The following MARCHF7 variants were observed in gnomAD, a reference collection of about 807,000 sequenced individuals.
MARCHF7 encodes the protein E3 ubiquitin-protein ligase MARCHF7.
MARCHF7 carries 20 observed loss-of-function variants against 76.5 expected under a neutral mutation model. That is an observed-to-expected ratio of 0.26 (90% CI 0.18 to 0.38). The LOEUF is 0.38. Ranked by LOEUF, MARCHF7 falls within the 10% of genes least tolerant of loss-of-function variation. The pLI, the probability that MARCHF7 is intolerant of heterozygous loss-of-function variation, is 1.00. For missense variants in MARCHF7, 797 were observed against 812.9 expected (o/e 0.98, Z 0.24); for synonymous variants, 295 against 293.0 (o/e 1.01, Z -0.07).
At chr2:159,761,673 A>G (rs557993160) in intron 9 of MARCHF7, among the ~76,000 whole-genome samples, 12 of 152,010 alleles carry the variant, frequency 7.9e-5, no homozygotes, top group East Asian at 7.7e-4. Context: ...CAGCCTCCCA[A>G]AATGCTGGGA....
intron 8 of MARCHF7, among the ~76,000 whole-genome samples, chr2:159,754,211 C>T (rs889209845): frequency 2.0e-5 from 3 of 152,046 alleles, no homozygotes; most frequent in Non-Finnish European, 2.9e-5. Flanking sequence ...GGACAGAGCC[C>T]TGGGATACCC....
Position 159,745,911 on chromosome 2 carries a change from G to C in MARCHF7, c.488G>C (p.Arg163Pro), listed in dbSNP as rs753934115. The stretch of plus-strand genomic sequence containing the variant: ...AGTAATCTTATGGATTATAGTCACC[G>C]AAGTGGTGATTTCACAACTTCATCA... Reference protein sequence around the residue: ...SISNLMDYSHRSGDFTTSSYV... With the variant: ...SISNLMDYSHPSGDFTTSSYV... Residue 163 changes from arginine to proline, a missense_variant, in exon 6 of 12, where the codon CGA becomes CCA. Arg to Pro is a moderately radical substitution (Grantham distance 103). Coordinates refer to ENST00000409175, the MANE Select transcript of MARCHF7 (RefSeq NM_001282805.2). 2.4e-5 allele frequency: 39 copies of C among 1,609,912 alleles called. No homozygotes were observed. In the Middle Eastern group the frequency reaches 5.0e-4, roughly 20 times the overall value.
chr2:159,731,385 T>C (rs1419834553), intron 4 of MARCHF7, among the ~76,000 whole-genome samples: 1 of 152,202 alleles, frequency 6.6e-6, no homozygotes, highest in African/African-American at 2.4e-5. Flanking sequence ...TTAGTAAATT[T>C]ATTGACATTC....
Position 159,716,835 on chromosome 2 carries a change from G to C in MARCHF7, c.-15+1069G>C, listed in dbSNP as rs893909938. ...CAGAGACTGCAGGCATAAGATAATG[G>C]TATGGTAACAGTAGAAAATAAGGAT... On this transcript the variant is annotated intron_variant, in intron 3 of 11. Coordinates refer to ENST00000409175, the MANE Select transcript of MARCHF7 (RefSeq NM_001282805.2). 9.2e-5 allele frequency among the ~76,000 whole-genome samples: 14 copies of C among 152,156 alleles called. 1 individual carries two copies. Among genetic ancestry groups the C allele is most frequent in the Admixed American group, 7.9e-4 (12 of 15,280 alleles).
Position 159,729,082 on chromosome 2 carries a change from A to G in MARCHF7, c.60A>G (p.Leu20=). The G allele has an allele frequency of 6.2e-7, 1 of 1,611,322 alleles. No homozygotes were observed. Among genetic ancestry groups the G allele is most frequent in the East Asian group, 2.2e-5 (1 of 44,774 alleles). ...TTTCTGTTCAACCTTCCAGCTCCTT[A>G]AGTGCTAGGATGATGTCTGGAAGCA... is the stretch of plus-strand genomic sequence containing the variant. The part of the protein sequence containing the change: ...RRISVQPSSS[L]SARMMSGSRG... The change falls in exon 4 of 12, where the codon TTA becomes TTG. Residue 20 remains leucine (L), a synonymous_variant. Transcript: ENST00000409175.
chr2:159,727,935 G>A (rs1702361833), intron 3 of MARCHF7, among the ~76,000 whole-genome samples: 1 of 152,216 alleles, frequency 6.6e-6, no homozygotes, highest in African/African-American at 2.4e-5. Context: ...AATCTATAAA[G>A]TGGAAAGCAC....
intron 3 of MARCHF7, among the ~76,000 whole-genome samples, chr2:159,727,282 C>T (rs963464942): frequency 2.6e-5 from 4 of 152,102 alleles, no homozygotes; most frequent in African/African-American, 9.7e-5. Context: ...ATCCTTGCCT[C>T]AGAATATTTT....
intron 3 of MARCHF7, among the ~76,000 whole-genome samples, chr2:159,726,204 C>T (rs986131346): frequency 2.6e-5 from 4 of 151,762 alleles, no homozygotes; most frequent in African/African-American, 7.3e-5. Flanking sequence ...AGCTCTACTA[C>T]TGCTCCAGAT....
At chr2:159,715,370 T>C (rs143659941) in intron 2 of MARCHF7, among the ~76,000 whole-genome samples, 332 of 151,448 alleles carry the variant, frequency 2.2e-3, no homozygotes, top group African/African-American at 7.3e-3. Context: ...GGGGGGGTAA[T>C]AATTTTGTGT....
intron 3 of MARCHF7, among the ~76,000 whole-genome samples, chr2:159,717,849 TG>T (rs1379705450): frequency 1.3e-5 from 2 of 152,234 alleles, no homozygotes; most frequent in Non-Finnish European, 2.9e-5. Flanking sequence ...TCTTTCCAGT[TG>T]TTTAATGCAT....
At chr2:159,731,490 C>T (rs922748127) in intron 4 of MARCHF7, among the ~76,000 whole-genome samples, 2 of 152,154 alleles carry the variant, frequency 1.3e-5, no homozygotes, top group African/African-American at 2.4e-5. Context: ...CATGGTGGCT[C>T]ACGCCTGTAG....
intron 4 of MARCHF7, among the ~76,000 whole-genome samples, chr2:159,734,316 T>C (rs1193964430): frequency 1.5e-4 from 21 of 136,214 alleles, no homozygotes; most frequent in African/African-American, 5.5e-4. Context: ...TTTAAAGTTA[T>C]TGATACCTTT....
At chr2:159,737,075 A>G (rs1703544042) in intron 4 of MARCHF7, among the ~76,000 whole-genome samples, 2 of 152,252 alleles carry the variant, frequency 1.3e-5, no homozygotes, top group Non-Finnish European at 2.9e-5. Context: ...TTAATGAAAA[A>G]GAAAGAAACC....
intron 7 of MARCHF7, 41 bp downstream of exon 7, chr2:159,748,944 A>G (rs1340341062): frequency 6.8e-7 from 1 of 1,472,728 alleles, no homozygotes; most frequent in East Asian, 2.4e-5. Context: ...AATCAAAAAT[A>G]GAGAAAGAAC....
intron 7 of MARCHF7, among the ~76,000 whole-genome samples, chr2:159,751,197 T>C (rs900375818): frequency 1.4e-4 from 21 of 152,196 alleles, no homozygotes; most frequent in African/African-American, 4.3e-4. Context: ...AGTACAGTAG[T>C]GTAGGCAGAG....
At chr2:159,764,255 T>TGTGCGCGCGCGCGCGCGC (rs10592175) in intron 10 of MARCHF7, among the ~76,000 whole-genome samples, 1 of 131,370 alleles carries the variant, frequency 7.6e-6, no homozygotes, top group South Asian at 2.4e-4. Context: ...TGTGTGTGTG[T>TGTGCGCGCGCGCGCGCGC]GCGCGCGCCC....
At chr2:159,735,190 G>C (rs1703306210) in intron 4 of MARCHF7, among the ~76,000 whole-genome samples, 1 of 152,130 alleles carries the variant, frequency 6.6e-6, no homozygotes, top group Non-Finnish European at 1.5e-5. Flanking sequence ...TTCAAAGCAG[G>C]ATTTATTCAC....
intron 8 of MARCHF7, among the ~76,000 whole-genome samples, chr2:159,753,850 A>G (rs1196911761): frequency 1.3e-5 from 2 of 152,120 alleles, no homozygotes; most frequent in Admixed American, 6.5e-5. Flanking sequence ...TTTTGTAGGT[A>G]GGTTCTGTAA....
intron 8 of MARCHF7, among the ~76,000 whole-genome samples, chr2:159,754,901 G>A (rs1427366624): frequency 5.3e-5 from 8 of 152,198 alleles, no homozygotes; most frequent in Non-Finnish European, 8.8e-5. Flanking sequence ...TTTTAAGGAT[G>A]TGGATGTGTA....
Sources: allele counts gnomAD v4.1 joint callset (sites outside exome capture counted in the v4.1 genomes callset), GRCh38; gene constraint gnomAD v4.1.1; transcripts MANE v1.5; gene names NCBI Gene and HGNC (gene_info 2026-07-23, HGNC 2026-07-21).